The following FER variants were observed in gnomAD, a reference collection of about 807,000 sequenced individuals.
The protein encoded by FER is FER tyrosine kinase.
Under a neutral mutation model 111.0 loss-of-function variants are expected in FER, and 63 were observed. That is an observed-to-expected ratio of 0.57 (90% CI 0.46 to 0.70). The LOEUF (loss-of-function observed/expected upper bound fraction) is 0.70. Among genes scored for constraint, FER ranks in the 30% least tolerant of loss-of-function variants. The pLI is 0.00. For synonymous variants in FER, 327 were observed against 313.9 expected (o/e 1.04, Z -0.44); for missense variants, 914 against 954.0 (o/e 0.96, Z 0.55).
At chr5:109,017,338 TA>T (rs757381297) in intron 13 of FER, among the ~76,000 whole-genome samples, 29 of 152,004 alleles carry the variant, frequency 1.9e-4, no homozygotes, top group South Asian at 4.1e-4. Context: ...TTATAGAATT[TA>T]AAGTATTTTA....
intron 2 of FER, among the ~76,000 whole-genome samples, chr5:108,768,711 C>T (rs1258080769): frequency 6.6e-6 from 1 of 152,048 alleles, no homozygotes. Context: ...CAGTGTGCTG[C>T]CTCTGAGGAT....
intron 17 of FER, chr5:109,177,479 A>G (rs1290508303): frequency 6.6e-6 from 1 of 152,070 alleles, no homozygotes; most frequent in African/African-American, 2.4e-5. Context: ...TGCAAAGGAG[A>G]ACTCTGGCTC....
chr5:108,846,710 G>A (rs1561506485), intron 5 of FER, among the ~76,000 whole-genome samples: 1 of 152,092 alleles, frequency 6.6e-6, no homozygotes, highest in Non-Finnish European at 1.5e-5. Flanking sequence ...AGCCTCCCAA[G>A]TAGCTGGGAC....
intron 13 of FER, among the ~76,000 whole-genome samples, chr5:108,997,859 G>C (rs1764201557): frequency 6.6e-6 from 1 of 152,096 alleles, no homozygotes; most frequent in African/African-American, 2.4e-5. Context: ...GGGCAGTCTG[G>C]CCACAGTGGC....
chr5:108,773,310 C>T (rs1336307709), intron 2 of FER, among the ~76,000 whole-genome samples: 1 of 152,070 alleles, frequency 6.6e-6, no homozygotes, highest in Non-Finnish European at 1.5e-5. Flanking sequence ...AGCCCATCAT[C>T]CATTAGCTAT....
At chr5:108,945,706 T>G (rs1436353192) in intron 10 of FER, among the ~76,000 whole-genome samples, 1 of 152,090 alleles carries the variant, frequency 6.6e-6, no homozygotes, top group Non-Finnish European at 1.5e-5. Context: ...ATTCCTGTTT[T>G]TTTTTGTGAT....
At chr5:109,139,324 A>G (rs1339833191) in intron 17 of FER, among the ~76,000 whole-genome samples, 7 of 131,894 alleles carry the variant, frequency 5.3e-5, no homozygotes, top group African/African-American at 1.2e-4. Flanking sequence ...GGCAGGGCCT[A>G]TGTCTTTACT....
chr5:108,892,392 T>G (rs1382746084), intron 9 of FER, among the ~76,000 whole-genome samples: 3 of 152,204 alleles, frequency 2.0e-5, no homozygotes, highest in Non-Finnish European at 4.4e-5. Flanking sequence ...ATTGTGGTTT[T>G]GATTTGCATT....
chr5:109,108,200 C>T (rs76552411), intron 17 of FER, among the ~76,000 whole-genome samples: 15,860 of 152,094 alleles, frequency 0.1, 837 homozygotes, highest in Non-Finnish European at 0.12. Context: ...ATTTAATCTA[C>T]ATTTCATAAT....
intron 13 of FER, among the ~76,000 whole-genome samples, chr5:108,975,492 G>A (rs1761218004): frequency 6.6e-6 from 1 of 152,134 alleles, no homozygotes; most frequent in African/African-American, 2.4e-5. Flanking sequence ...AACTAATACA[G>A]GAGGTGAGGT....
intron 3 of FER, among the ~76,000 whole-genome samples, chr5:108,802,084 A>G (rs953575712): frequency 6.6e-6 from 1 of 152,126 alleles, no homozygotes; most frequent in Non-Finnish European, 1.5e-5. Flanking sequence ...CCATTTTTGG[A>G]TTACGTGCAA....
intron 13 of FER, among the ~76,000 whole-genome samples, chr5:108,972,083 G>T (rs1760735708): frequency 6.6e-6 from 1 of 151,700 alleles, no homozygotes; most frequent in Non-Finnish European, 1.5e-5. Context: ...TTGCTTTTTA[G>T]ATTTTGAACT....
At chr5:108,921,107 A>G (rs933337931) in intron 10 of FER, among the ~76,000 whole-genome samples, 4 of 152,102 alleles carry the variant, frequency 2.6e-5, no homozygotes, top group Admixed American at 2.6e-4. Flanking sequence ...ATCTCTGACT[A>G]CTTCAGCTGT....
intron 5 of FER, among the ~76,000 whole-genome samples, chr5:108,839,882 A>T (rs1371618143): frequency 2.6e-5 from 4 of 152,074 alleles, no homozygotes; most frequent in Non-Finnish European, 5.9e-5. Flanking sequence ...CGGCCATCCC[A>T]TGCCATTTTC....
chr5:108,876,915 T>A (rs1416164329), intron 8 of FER, among the ~76,000 whole-genome samples: 1 of 152,232 alleles, frequency 6.6e-6, no homozygotes, highest in Non-Finnish European at 1.5e-5. Context: ...CAGTTATTAC[T>A]GTATTTTGAA....
intron 17 of FER, among the ~76,000 whole-genome samples, chr5:109,115,817 C>G (rs1418651931): frequency 6.6e-6 from 1 of 152,068 alleles, no homozygotes; most frequent in Non-Finnish European, 1.5e-5. Flanking sequence ...TAAAAAATCA[C>G]TTACACAAAT....
At chr5:109,089,007 G>A (rs1777863985) in intron 16 of FER, among the ~76,000 whole-genome samples, 1 of 152,164 alleles carries the variant, frequency 6.6e-6, no homozygotes. Flanking sequence ...GATTTCTGAG[G>A]AGTGATTTTC....
chr5:109,077,461 A>C (rs1336351387), intron 16 of FER, among the ~76,000 whole-genome samples: 1 of 152,228 alleles, frequency 6.6e-6, no homozygotes, highest in Non-Finnish European at 1.5e-5. Context: ...AAAATAATAT[A>C]CATATCTTAT....
At position 109,035,141 on chromosome 5, in the gene FER, C is replaced by G. The variant is rs564328951; in HGVS notation, c.1657-2281C>G. 2.7e-5 allele frequency among the ~76,000 whole-genome samples: 4 copies of G among 149,772 alleles called. No individual in the cohort carries two copies. The South Asian group carries it at 8.4e-4, about 32-fold the overall frequency. On this transcript the variant is annotated intron_variant, in intron 13 of 19. Coordinates refer to ENST00000281092, the MANE Select transcript of FER (RefSeq NM_005246.4). The stretch of plus-strand genomic sequence containing the variant: ...CTCTGCTTCCCGGGTTCAAGCGATT[C>G]TCCTGCCTCAGCTTCCCAAATAGGT...
Sources: allele counts gnomAD v4.1 joint callset (sites outside exome capture counted in the v4.1 genomes callset), GRCh38; gene constraint gnomAD v4.1.1; transcripts MANE v1.5; gene names NCBI Gene and HGNC (gene_info 2026-07-23, HGNC 2026-07-21).